Variants in MCTP1 observed in about 807,000 individuals in gnomAD.
MCTP1 encodes multiple C2 and transmembrane domain containing 1.
MCTP1 carries 69 observed loss-of-function variants against 120.6 expected under a neutral mutation model. The observed-to-expected ratio is 0.57, with a 90% confidence interval of 0.47 to 0.70. The LOEUF (loss-of-function observed/expected upper bound fraction) is 0.70, where lower values mean the gene tolerates loss of function less well. MCTP1 is among the 30% of genes least tolerant of loss of function. The pLI, the probability that MCTP1 is intolerant of heterozygous loss-of-function variation, is 0.00. For synonymous variants in MCTP1, 529 were observed against 493.1 expected, an observed-to-expected ratio of 1.07 and a Z score of -0.96; for missense variants, 1,203 against 1,248.8, an observed-to-expected ratio of 0.96 and a Z score of 0.55.
intron 1 of MCTP1, among the ~76,000 whole-genome samples, chr5:95,204,765 TA>T (rs555734940): frequency 8.9e-4 from 136 of 152,186 alleles, no homozygotes; most frequent in African/African-American, 3.1e-3. Flanking sequence ...TCATTTACAA[TA>T]GCTTGAAAAA....
intron 11 of MCTP1, among the ~76,000 whole-genome samples, chr5:94,890,519 A>G (rs2153390072): frequency 6.6e-6 from 1 of 152,372 alleles, no homozygotes; most frequent in East Asian, 1.9e-4. Context: ...AGTAAAAGAC[A>G]TACACAATCT....
chr5:95,171,226 T>C (rs1021811718), intron 1 of MCTP1, among the ~76,000 whole-genome samples: 2 of 152,230 alleles, frequency 1.3e-5, no homozygotes, highest in Admixed American at 1.3e-4. Flanking sequence ...TTTAAGAATG[T>C]TGAATATTGG....
chr5:94,977,728 G>A (rs7731079), intron 2 of MCTP1, among the ~76,000 whole-genome samples: 126,264 of 152,174 alleles, frequency 0.83, 52,932 homozygotes, highest in African/African-American at 0.93. Context: ...AGTCTTCAAC[G>A]AATAGCTTTT....
intron 1 of MCTP1, among the ~76,000 whole-genome samples, chr5:95,063,626 T>TAAGA (rs535944721): frequency 2.5e-3 from 382 of 152,310 alleles, no homozygotes; most frequent in African/African-American, 8.7e-3. Flanking sequence ...GACAGGGTCT[T>TAAGA]ATTCTATCAT....
intron 1 of MCTP1, among the ~76,000 whole-genome samples, chr5:95,263,973 A>G (rs1004820649): frequency 6.6e-6 from 1 of 152,222 alleles, no homozygotes; most frequent in Non-Finnish European, 1.5e-5. Context: ...TATTGAAACC[A>G]CAGATCCCCT....
intron 1 of MCTP1, among the ~76,000 whole-genome samples, chr5:95,172,214 G>A (rs780282472): frequency 1.5e-4 from 23 of 152,232 alleles, no homozygotes; most frequent in Non-Finnish European, 3.2e-4. Context: ...GGAGGCTGCA[G>A]AACAGCGCAT....
intron 18 of MCTP1, among the ~76,000 whole-genome samples, chr5:94,781,683 ACAGAT>A (rs1461073815): frequency 6.6e-6 from 1 of 152,188 alleles, no homozygotes; most frequent in East Asian, 1.9e-4. Context: ...TACACATTTT[ACAGAT>A]CAGCTGTGGA....
chr5:95,257,282 A>G (rs1231500590), intron 1 of MCTP1, among the ~76,000 whole-genome samples: 2 of 152,200 alleles, frequency 1.3e-5, no homozygotes, highest in Non-Finnish European at 1.5e-5. Context: ...CTTCATGAGT[A>G]CTAAAAATAT....
intron 19 of MCTP1, among the ~76,000 whole-genome samples, chr5:94,763,002 C>T (rs1771690200): frequency 6.6e-6 from 1 of 152,186 alleles, no homozygotes; most frequent in African/African-American, 2.4e-5. Flanking sequence ...CATGGTCATC[C>T]ACAACATTAA....
intron 9 of MCTP1, among the ~76,000 whole-genome samples, chr5:94,910,493 G>A (rs1023941385): frequency 6.6e-6 from 1 of 151,956 alleles, no homozygotes; most frequent in African/African-American, 2.4e-5. Context: ...TTAATGTATG[G>A]CAGACAGATC....
chr5:95,211,953 A>G (rs1752433077), intron 1 of MCTP1, among the ~76,000 whole-genome samples: 1 of 152,124 alleles, frequency 6.6e-6, no homozygotes, highest in Non-Finnish European at 1.5e-5. Flanking sequence ...CACAATTAAA[A>G]GAACTAGAAA....
At chr5:95,209,756 A>G (rs564038597) in intron 1 of MCTP1, among the ~76,000 whole-genome samples, 2 of 152,150 alleles carry the variant, frequency 1.3e-5, no homozygotes, top group Non-Finnish European at 2.9e-5. Flanking sequence ...TTGTCTGAAC[A>G]TTAAGAAGCT....
In MCTP1 at chr5:95,284,478, C is replaced by T. The variant is rs1376429126; in HGVS notation, c.98G>A (p.Gly33Asp). The part of the protein sequence containing the change: ...RLWKNLQLGV[G>D]RSKGGGGGRA... ...CCCGCCCCCGCCGCCCTTGCTCCTG[C>T]CCACCCCCAGCTGCAGGTTCTTCCA... Residue 33 changes from glycine to aspartate, a missense_variant, in exon 1 of 23, where the codon GGC becomes GAC. Around this residue, in one of 2 missense-constraint regions of MCTP1, gnomAD observed 463 missense variants for 377.8 expected, o/e 1.23. Transcript: ENST00000515393. This position sits in a 1 kb window ranked among gnomAD's most constrained non-coding sequence, Gnocchi z 5.2. The T allele has an allele frequency of 1.3e-6, 2 of 1,502,966 alleles. No individual in the cohort carries two copies. Among genetic ancestry groups the T allele is most frequent in the South Asian group, 1.2e-5 (1 of 81,610 alleles). The allele number at this position is 1,502,966 out of a possible 1,614,324, so 93.1% of individuals were successfully genotyped here.
chr5:94,910,325 G>A (rs1232597627), intron 9 of MCTP1, among the ~76,000 whole-genome samples: 1 of 151,860 alleles, frequency 6.6e-6, no homozygotes, highest in Non-Finnish European at 1.5e-5. Context: ...CAAGTATTCA[G>A]ATAAGTCATC....
At chr5:94,854,048 G>T (rs1035060917) in intron 17 of MCTP1, among the ~76,000 whole-genome samples, 2 of 151,794 alleles carry the variant, frequency 1.3e-5, no homozygotes, top group Non-Finnish European at 2.9e-5. Context: ...AGGTGGACTG[G>T]AGGAAGATGA....
chr5:94,934,313 G>T (rs1815585358), intron 5 of MCTP1, among the ~76,000 whole-genome samples: 2 of 151,744 alleles, frequency 1.3e-5, no homozygotes, highest in Admixed American at 1.3e-4. Context: ...AGAAAAATAA[G>T]ATTTATTTTT....
intron 2 of MCTP1, among the ~76,000 whole-genome samples, chr5:94,990,622 TA>T (rs781252300): frequency 4.6e-5 from 7 of 152,222 alleles, no homozygotes; most frequent in Non-Finnish European, 1.0e-4. Context: ...CAAAATTGAT[TA>T]AGAACATTTA....
chr5:94,824,975 T>C (rs1286477743), intron 17 of MCTP1, among the ~76,000 whole-genome samples: 3 of 152,204 alleles, frequency 2.0e-5, no homozygotes, highest in Non-Finnish European at 4.4e-5. Context: ...TTGTTAATCT[T>C]TTCAAAAAAC....
intron 17 of MCTP1, chr5:94,867,652 A>C (rs1403762225): frequency 5.4e-6 from 2 of 368,698 alleles, no homozygotes; most frequent in Admixed American, 4.3e-5. Flanking sequence ...TGAGAGAAGA[A>C]AATCCCAGCT....
Sources: gnomAD v4.1 joint callset for allele counts (sites outside exome capture counted in the v4.1 genomes callset) on GRCh38, gnomAD v4.1.1 for gene constraint, gnomAD v4.1.1 regional missense constraint, Gnocchi (gnomAD v3.1) non-coding constraint, MANE v1.5 for transcripts, NCBI Gene and HGNC (gene_info 2026-07-23, HGNC 2026-07-21) for gene names.